Variants in THSD7A observed in about 807,000 individuals in gnomAD.
THSD7A encodes the protein thrombospondin type-1 domain-containing protein 7A.
THSD7A carries 96 observed loss-of-function variants against 231.3 expected under a neutral mutation model. The observed-to-expected ratio is 0.41, with a 90% confidence interval of 0.35 to 0.49. THSD7A has a LOEUF of 0.49. Among genes scored for constraint, THSD7A ranks in the 20% least tolerant of loss-of-function variants. THSD7A has a pLI of 0.05. For synonymous variants in THSD7A, 940 were observed against 743.3 expected (o/e 1.26, Z -4.30); for missense variants, 2,290 against 2,070.2 (o/e 1.11, Z -2.06).
chr7:11,625,413 C>T (rs1162816654), intron 2 of THSD7A, among the ~76,000 whole-genome samples: 1 of 152,176 alleles, frequency 6.6e-6, no homozygotes, highest in Admixed American at 6.6e-5. Context: ...AATTACTATA[C>T]TGGTAAATAC....
At chr7:11,455,926 T>C (rs1785292892) in intron 11 of THSD7A, among the ~76,000 whole-genome samples, 1 of 152,010 alleles carries the variant, frequency 6.6e-6, no homozygotes, top group Admixed American at 6.6e-5. Flanking sequence ...ATGCTATTAA[T>C]AGTATTAAGA....
intron 4 of THSD7A, among the ~76,000 whole-genome samples, chr7:11,556,932 A>G (rs183387295): frequency 4.1e-4 from 62 of 152,150 alleles, no homozygotes; most frequent in African/African-American, 1.3e-3. Flanking sequence ...ATGTCTTGGC[A>G]TGTATTTCTT....
chr7:11,641,514 T>C (rs1259790688), intron 1 of THSD7A, among the ~76,000 whole-genome samples: 2 of 152,072 alleles, frequency 1.3e-5, no homozygotes, highest in Non-Finnish European at 2.9e-5. Context: ...ATAAATATAT[T>C]CCAATTCCCA....
intron 1 of THSD7A, among the ~76,000 whole-genome samples, chr7:11,726,192 G>T (rs1781539168): frequency 6.6e-6 from 1 of 152,116 alleles, no homozygotes; most frequent in Non-Finnish European, 1.5e-5. Flanking sequence ...AGCACTGAAT[G>T]ATACAGTCGA....
intron 16 of THSD7A, among the ~76,000 whole-genome samples, chr7:11,422,569 G>A (rs535053665): frequency 2.1e-5 from 3 of 143,090 alleles, no homozygotes; most frequent in South Asian, 4.3e-4. Flanking sequence ...GAATGTGTTT[G>A]GAAATGTTAA....
At chr7:11,455,442 A>G (rs1785276097) in intron 11 of THSD7A, among the ~76,000 whole-genome samples, 1 of 152,048 alleles carries the variant, frequency 6.6e-6, no homozygotes, top group African/African-American at 2.4e-5. Context: ...AGCTAATTCA[A>G]TTTAGAGAAG....
At chr7:11,752,906 A>G (rs185154660) in intron 1 of THSD7A, among the ~76,000 whole-genome samples, 5 of 148,704 alleles carry the variant, frequency 3.4e-5, no homozygotes, top group Non-Finnish European at 5.9e-5. Context: ...AGCCTGGCCA[A>G]CAAGAGTGAG....
chr7:11,541,789 G>A (rs1789160983), intron 5 of THSD7A, among the ~76,000 whole-genome samples, 158 bp from the exon 6 acceptor site: 1 of 152,102 alleles, frequency 6.6e-6, no homozygotes. Context: ...GCTAATGTGA[G>A]GTCATGAACC....
At chr7:11,674,721 A>G (rs1158128408) in intron 1 of THSD7A, among the ~76,000 whole-genome samples, 2 of 152,284 alleles carry the variant, frequency 1.3e-5, no homozygotes, top group Admixed American at 1.3e-4. Flanking sequence ...GGTGAGAAGG[A>G]ATCAGTGCAA....
intron 2 of THSD7A, among the ~76,000 whole-genome samples, chr7:11,618,734 G>A (rs979213119): frequency 1.3e-4 from 19 of 151,618 alleles, no homozygotes; most frequent in African/African-American, 4.4e-4. Flanking sequence ...CTTGCAGTGA[G>A]CAGAGATCGC....
At chr7:11,420,189 G>C (rs1365804965) in intron 16 of THSD7A, among the ~76,000 whole-genome samples, 1 of 152,204 alleles carries the variant, frequency 6.6e-6, no homozygotes, top group Non-Finnish European at 1.5e-5. Flanking sequence ...CCAAATGTTA[G>C]TAGCCAAGAC....
intron 11 of THSD7A, among the ~76,000 whole-genome samples, chr7:11,457,944 T>A (rs1484621505): frequency 6.6e-6 from 1 of 152,114 alleles, no homozygotes; most frequent in Non-Finnish European, 1.5e-5. Flanking sequence ...CTTTAATTCT[T>A]GTTAGGTGAC....
chr7:11,474,208 A>G lies in THSD7A; in HGVS notation c.2252+126T>C. ...CAGTGGCTGACTTTCAAAACAAACA[A>G]ATCTTGCTCTTGAGGACAGGTATGA... On this transcript the variant is annotated intron_variant, in intron 8 of 27. Coordinates refer to ENST00000423059, the MANE Select transcript of THSD7A (RefSeq NM_015204.3). The surrounding 1 kb of genome is among the most constrained non-coding windows in gnomAD (Gnocchi z 4.1). The G allele has an allele frequency of 1.3e-6, 1 of 758,480 alleles. No homozygotes were observed. Among genetic ancestry groups the G allele is most frequent in the South Asian group, 2.2e-5 (1 of 45,330 alleles). 47.0% of individuals were successfully genotyped at this position (758,480 alleles called of 1,614,324 possible). A position where few individuals can be genotyped will look rare whatever the true frequency, so the allele number is the denominator to read the frequency against.
intron 1 of THSD7A, among the ~76,000 whole-genome samples, chr7:11,693,946 T>A (rs1272161714): frequency 6.6e-6 from 1 of 151,622 alleles, no homozygotes; most frequent in Non-Finnish European, 1.5e-5. Context: ...ATTTATTTCA[T>A]AAAACTCACA....
chr7:11,691,793 T>A (rs536071965), intron 1 of THSD7A, among the ~76,000 whole-genome samples: 11 of 151,426 alleles, frequency 7.3e-5, no homozygotes, highest in Non-Finnish European at 1.6e-4. Flanking sequence ...GAGTAAAACT[T>A]TTGGTATAAA....
intron 11 of THSD7A, among the ~76,000 whole-genome samples, chr7:11,457,574 T>G (rs1307202230): frequency 3.3e-5 from 5 of 152,098 alleles, no homozygotes; most frequent in Non-Finnish European, 7.4e-5. Flanking sequence ...GTCTTATCTT[T>G]CTAATTTATT....
chr7:11,475,941 T>G (rs1451220312), intron 7 of THSD7A, among the ~76,000 whole-genome samples: 2 of 145,934 alleles, frequency 1.4e-5, no homozygotes, highest in Non-Finnish European at 1.5e-5. Flanking sequence ...TTTCCTTTTT[T>G]TTTTTTTTTT....
chr7:11,731,406 T>C (rs566967672), intron 1 of THSD7A, among the ~76,000 whole-genome samples: 94 of 151,746 alleles, frequency 6.2e-4, no homozygotes, highest in African/African-American at 2.1e-3. Context: ...AAGAGATTTG[T>C]CAAGTAAATA....
intron 1 of THSD7A, among the ~76,000 whole-genome samples, chr7:11,707,063 G>C (rs1780792230): frequency 6.6e-6 from 1 of 150,772 alleles, no homozygotes; most frequent in Admixed American, 6.6e-5. Context: ...AAAAAGGAAT[G>C]AGTTTCCAAA....
Sources: allele counts gnomAD v4.1 joint callset (sites outside exome capture counted in the v4.1 genomes callset), GRCh38; gene constraint gnomAD v4.1.1; non-coding constraint Gnocchi (gnomAD v3.1); transcripts MANE v1.5; gene names NCBI Gene and HGNC (gene_info 2026-07-23, HGNC 2026-07-21).